Variants in RAD51 observed in about 807,000 individuals in gnomAD.
RAD51 encodes DNA repair protein RAD51 homolog 1.
RAD51 carries 14 observed loss-of-function variants against 41.5 expected under a neutral mutation model. The ratio of observed to expected loss-of-function variants is 0.34; its 90% CI spans 0.22 to 0.53. RAD51 has a LOEUF of 0.53. Ranked by LOEUF, RAD51 falls within the 20% of genes least tolerant of loss-of-function variation. The pLI is 0.95. For synonymous variants in RAD51, 136 were observed against 148.6 expected (o/e 0.92, Z 0.62); for missense variants, 234 against 422.0 (o/e 0.55, Z 3.90).
chr15:40,701,455 A>G (rs1894989021), intron 3 of RAD51, among the ~76,000 whole-genome samples: 1 of 145,080 alleles, frequency 6.9e-6, no homozygotes, highest in South Asian at 2.1e-4. Context: ...GCTCACTGCA[A>G]CCTTCACCTC....
intron 5 of RAD51, among the ~76,000 whole-genome samples, chr15:40,710,058 C>T (rs1010450660): frequency 6.6e-6 from 1 of 151,746 alleles, no homozygotes. Flanking sequence ...CTGGCTAACA[C>T]AGTGAAACCC....
rs45507396 is a variant in RAD51, at chr15:40,732,107, A to G, written c.*929A>G. 0.084 allele frequency: 16,743 copies of G among 199,350 alleles called. 727 individuals carry two copies. The highest frequency in any genetic ancestry group is 0.12 in the South Asian group (611 of 5,204). The allele number at this position is 199,350 out of a possible 1,614,324, so 12.3% of individuals were successfully genotyped here. A position where few individuals can be genotyped will look rare whatever the true frequency, so the allele number is the denominator to read the frequency against. The stretch of plus-strand genomic sequence containing the variant: ...CAAACAAGAAACATTTCAGAGGGTA[A>G]GTAAACAGATTTGATTGTGAGGCTT... On this transcript the variant is annotated 3_prime_UTR_variant, in exon 10 of 10. Coordinates refer to ENST00000267868, the MANE Select transcript of RAD51 (RefSeq NM_002875.5).
At chr15:40,724,888 AAT>A (rs1896491271) in intron 6 of RAD51, among the ~76,000 whole-genome samples, 1 of 63,762 alleles carries the variant, frequency 1.6e-5, no homozygotes, top group African/African-American at 7.0e-5. Flanking sequence ...AATTTTTTTT[AAT>A]TTTTTTTTTT....
intron 5 of RAD51, among the ~76,000 whole-genome samples, chr15:40,715,427 A>G (rs925647024): frequency 2.6e-5 from 4 of 152,218 alleles, no homozygotes; most frequent in Non-Finnish European, 5.9e-5. Flanking sequence ...TTTGTCTTAC[A>G]GAACATTTCA....
At chr15:40,725,276 C>T (rs1021881839) in intron 6 of RAD51, among the ~76,000 whole-genome samples, 10 of 152,118 alleles carry the variant, frequency 6.6e-5, no homozygotes, top group African/African-American at 2.4e-4. Context: ...GAGTGATTCT[C>T]CCTCCTCGGC....
intron 3 of RAD51, among the ~76,000 whole-genome samples, chr15:40,705,105 C>A (rs1370949414): frequency 6.6e-6 from 1 of 152,218 alleles, no homozygotes. Flanking sequence ...TCACCACACC[C>A]AGCCTTCTTT....
At chr15:40,715,962 G>A (rs926823374) in intron 5 of RAD51, among the ~76,000 whole-genome samples, 1 of 152,112 alleles carries the variant, frequency 6.6e-6, no homozygotes, top group African/African-American at 2.4e-5. Flanking sequence ...CTTTCTTTAG[G>A]CATGACCCTC....
Position 40,728,721 on chromosome 15 carries a change from T to C in RAD51, c.541T>C (p.Ser181Pro). ...TCTCCTCTCTCATAGGTATGGTCTC[T>C]CTGGCAGTGATGTCCTGGATAATGT... is the stretch of plus-strand genomic sequence containing the variant. ...LLAVAERYGL[S>P]GSDVLDNVAY... The change falls in exon 7 of 10, where the codon TCT becomes CCT. Residue 181 changes from serine to proline, a missense_variant. Transcript: ENST00000267868. 1 of 1,613,962 alleles carries C rather than the reference T, an allele frequency of 6.2e-7. No homozygotes were observed. The highest frequency in any genetic ancestry group is 8.5e-7 in the Non-Finnish European group (1 of 1,179,866).
At chr15:40,724,461 A>G (rs1159351040) in intron 6 of RAD51, among the ~76,000 whole-genome samples, 1 of 152,112 alleles carries the variant, frequency 6.6e-6, no homozygotes, top group Non-Finnish European at 1.5e-5. Flanking sequence ...CAGTAGAGCA[A>G]TGCATTCAGG....
At chr15:40,720,064 A>G (rs1896195704) in intron 6 of RAD51, among the ~76,000 whole-genome samples, 1 of 152,124 alleles carries the variant, frequency 6.6e-6, no homozygotes, top group African/African-American at 2.4e-5. Flanking sequence ...TTCACTCTCA[A>G]TAATGAATAT....
rs1415120657 is a variant in RAD51, at chr15:40,701,194, A to G, written c.218A>G (p.Lys73Arg). The G allele has an allele frequency of 6.2e-7, 1 of 1,614,158 alleles. No homozygotes were observed. Among genetic ancestry groups the G allele is most frequent in the Non-Finnish European group, 8.5e-7 (1 of 1,180,012 alleles). Residue 73 changes from lysine (K) to arginine (R), a missense_variant, in exon 3 of 10, where the codon AAA becomes AGA. Physicochemically the swap from Lys to Arg is conservative, Grantham distance 26. Transcript: ENST00000267868. Reference sequence around the variant, plus strand: ...GGAATTAGTGAAGCCAAAGCTGATAAAATTCTGGTAAGTACTGCTTACTTA... The same window carrying G: ...GGAATTAGTGAAGCCAAAGCTGATAGAATTCTGGTAAGTACTGCTTACTTA... ...IKGISEAKADKILAEAAKLVP... is the reference protein window; with the variant it reads ...IKGISEAKADRILAEAAKLVP...
At position 40,701,164 on chromosome 15, in the gene RAD51, T is replaced by C. The variant is rs531275069; in HGVS notation, c.188T>C (p.Ile63Thr). 5 of 1,614,160 alleles carry C rather than the reference T, an allele frequency of 3.1e-6. No individual in the cohort carries two copies. In the South Asian group the frequency reaches 3.3e-5, roughly 11 times the overall value. The change falls in exon 3 of 10, where the codon ATT (isoleucine) becomes ACT (threonine). Residue 63 changes from isoleucine to threonine, a missense_variant. By Grantham distance (89) the Ile-to-Thr change is moderately conservative. Coordinates refer to ENST00000267868, the MANE Select transcript of RAD51 (RefSeq NM_002875.5). ...AYAPKKELIN[I>T]KGISEAKADK... ...GCGCCAAAGAAGGAGCTAATAAATA[T>C]TAAGGGAATTAGTGAAGCCAAAGCT...
intron 4 of RAD51, among the ~76,000 whole-genome samples, chr15:40,708,014 CT>C (rs35792895): frequency 2.3e-3 from 268 of 115,892 alleles, no homozygotes; most frequent in East Asian, 0.015. Context: ...CTGTGCCCAG[CT>C]TTTTTTTTTT....
intron 5 of RAD51, among the ~76,000 whole-genome samples, chr15:40,710,501 CAAAAA>C (rs747933816): frequency 1.6e-4 from 8 of 48,762 alleles, no homozygotes; most frequent in South Asian, 9.2e-4. Flanking sequence ...GACTCTGTCT[CAAAAA>C]AAAAAAAAAA....
intron 5 of RAD51, 59 bp downstream of exon 5, chr15:40,709,175 T>G: frequency 7.0e-7 from 1 of 1,428,638 alleles, no homozygotes; most frequent in Non-Finnish European, 9.9e-7. Context: ...TCCTGCTATT[T>G]GCAAGCATCT....
chr15:40,706,102 T>C, intron 3 of RAD51, 75 bp from the exon 4 acceptor site: 1 of 1,031,524 alleles, frequency 9.7e-7, no homozygotes, highest in Non-Finnish European at 1.5e-6. Context: ...TTTCTTTATA[T>C]ATATTTTTTT....
intron 5 of RAD51, among the ~76,000 whole-genome samples, chr15:40,716,294 G>A (rs1470869847): frequency 6.6e-6 from 1 of 152,058 alleles, no homozygotes; most frequent in Admixed American, 6.6e-5. Context: ...ATATGAAAAT[G>A]CATAGAAAAT....
At position 40,730,121 on chromosome 15, in the gene RAD51, C is replaced by T. The variant is rs181232357; in HGVS notation, c.896+147C>T. 83 of 1,186,036 alleles carry T rather than the reference C, an allele frequency of 7.0e-5. 1 individual carries two copies. In the East Asian group the frequency reaches 1.3e-3, roughly 19 times the overall value. 73.5% of individuals were successfully genotyped at this position (1,186,036 alleles called of 1,614,324 possible). On this transcript the variant is annotated intron_variant, in intron 9 of 9. Coordinates refer to ENST00000267868, the MANE Select transcript of RAD51 (RefSeq NM_002875.5). ...CTTGCTAATCTAATTAACATGCTCT[C>T]GTTGGTATAGATGTTTTAGTTCATA...
At chr15:40,713,156 A>G (rs2141845467) in intron 5 of RAD51, among the ~76,000 whole-genome samples, 1 of 151,492 alleles carries the variant, frequency 6.6e-6, no homozygotes, top group South Asian at 2.1e-4. Context: ...TGCTGGGATT[A>G]CAGGAGTGAG....
Sources: allele counts gnomAD v4.1 joint callset (sites outside exome capture counted in the v4.1 genomes callset), GRCh38; gene constraint gnomAD v4.1.1; transcripts MANE v1.5; gene names NCBI Gene and HGNC (gene_info 2026-07-23, HGNC 2026-07-21).